Variants in ERC2 observed in about 807,000 individuals in gnomAD.
The protein encoded by ERC2 is ELKS/RAB6-interacting/CAST family member 2.
In ERC2, 42 loss-of-function variants were observed where a neutral mutation model predicts 114.8. The ratio of observed to expected loss-of-function variants is 0.37; its 90% CI spans 0.29 to 0.47. The LOEUF (loss-of-function observed/expected upper bound fraction) is 0.47, where lower values mean the gene tolerates loss of function less well. Among genes scored for constraint, ERC2 ranks in the 20% least tolerant of loss-of-function variants. The pLI is 0.99. For missense variants in ERC2, 939 were observed against 1,150.7 expected (o/e 0.82, Z 2.66); for synonymous variants, 454 against 425.5 (o/e 1.07, Z -0.82).
At chr3:55,675,884 C>CTTTCTTTCTCT (rs2061763347) in intron 17 of ERC2, among the ~76,000 whole-genome samples, 1 of 88,480 alleles carries the variant, frequency 1.1e-5, no homozygotes, top group Admixed American at 1.2e-4. Context: ...CCCTTTCCAT[C>CTTTCTTTCTCT]TTTCTTTCTC....
chr3:55,819,366 T>C (rs2060029924), intron 14 of ERC2, among the ~76,000 whole-genome samples: 1 of 152,194 alleles, frequency 6.6e-6, no homozygotes, highest in Non-Finnish European at 1.5e-5. Flanking sequence ...AATCAGATAA[T>C]GATGGTTTTT....
At chr3:56,314,992 G>T (rs1055658367) in intron 2 of ERC2, among the ~76,000 whole-genome samples, 1 of 152,104 alleles carries the variant, frequency 6.6e-6, no homozygotes, top group Non-Finnish European at 1.5e-5. Flanking sequence ...CAGCTGCCAC[G>T]AGCCAGAGTT....
intron 6 of ERC2, among the ~76,000 whole-genome samples, chr3:56,127,013 C>A (rs1315874787): frequency 6.6e-6 from 1 of 151,926 alleles, no homozygotes; most frequent in Non-Finnish European, 1.5e-5. Context: ...AAATCAGTAT[C>A]ATTTATATAG....
chr3:56,149,757 C>G (rs2081321228), intron 4 of ERC2, among the ~76,000 whole-genome samples: 2 of 152,098 alleles, frequency 1.3e-5, no homozygotes, highest in Admixed American at 6.6e-5. Flanking sequence ...ATTTGGCGAG[C>G]AGTCAGGTCC....
At chr3:56,179,306 G>A (rs1178311432) in intron 3 of ERC2, among the ~76,000 whole-genome samples, 1 of 152,126 alleles carries the variant, frequency 6.6e-6, no homozygotes. Context: ...AAGTGCAGGG[G>A]TGGGTGGGAA....
At chr3:55,631,278 G>T (rs1392619169) in intron 17 of ERC2, among the ~76,000 whole-genome samples, 2 of 152,024 alleles carry the variant, frequency 1.3e-5, no homozygotes, top group Non-Finnish European at 2.9e-5. Context: ...TCTTTGTTTT[G>T]GCCAAGCTCC....
At chr3:55,565,594 GA>G (rs899590643) in intron 17 of ERC2, among the ~76,000 whole-genome samples, 58 of 143,528 alleles carry the variant, frequency 4.0e-4, no homozygotes, top group South Asian at 3.5e-3. Context: ...AAACCACTCA[GA>G]AAAAAAAAAA....
chr3:55,664,086 C>T (rs533559996), intron 17 of ERC2, among the ~76,000 whole-genome samples: 12 of 152,276 alleles, frequency 7.9e-5, no homozygotes, highest in African/African-American at 2.4e-4. Flanking sequence ...TTAACATTGC[C>T]TGGGAGAAGA....
At chr3:56,024,937 T>C (rs2073951340) in intron 7 of ERC2, among the ~76,000 whole-genome samples, 1 of 152,194 alleles carries the variant, frequency 6.6e-6, no homozygotes, top group African/African-American at 2.4e-5. Context: ...AGCATCCTAA[T>C]ATGCAAGAAC....
At chr3:55,778,067 C>T (rs1575573958) in intron 14 of ERC2, among the ~76,000 whole-genome samples, 1 of 151,950 alleles carries the variant, frequency 6.6e-6, no homozygotes. Flanking sequence ...AATCCAAATG[C>T]TCATGAAAAA....
At chr3:56,343,192 T>TCTCACACACACACACA (rs1376220124) in intron 2 of ERC2, among the ~76,000 whole-genome samples, 51 of 126,208 alleles carry the variant, frequency 4.0e-4, no homozygotes, top group African/African-American at 1.2e-3. Context: ...TCTCTCTCTC[T>TCTCACACACACACACA]CACACACACA....
At chr3:56,155,693 T>C (rs1414230754) in intron 4 of ERC2, among the ~76,000 whole-genome samples, 4 of 152,024 alleles carry the variant, frequency 2.6e-5, no homozygotes, top group African/African-American at 9.7e-5. Flanking sequence ...GAGCCTAACG[T>C]GGGGTTTGGA....
chr3:56,338,682 C>T (rs1237803030), intron 2 of ERC2, among the ~76,000 whole-genome samples: 3 of 152,216 alleles, frequency 2.0e-5, no homozygotes, highest in African/African-American at 7.2e-5. Context: ...ACATTAACCA[C>T]TCATTCAACA....
intron 17 of ERC2, among the ~76,000 whole-genome samples, chr3:55,557,464 G>A (rs1224432718): frequency 6.6e-6 from 1 of 152,224 alleles, no homozygotes; most frequent in African/African-American, 2.4e-5. Context: ...GTTGCTGAGG[G>A]AAGGGTTTTC....
At position 55,833,642 on chromosome 3, in the gene ERC2, C is replaced by G. The variant is rs149547317; in HGVS notation, c.2564+54747G>C. ...CATGGAAAGGAACAACTGGTACCAACCACTGCAAAATCATGCCAAATTGTA... is the reference window on the plus strand; with the variant it reads ...CATGGAAAGGAACAACTGGTACCAAGCACTGCAAAATCATGCCAAATTGTA... On this transcript the variant is annotated intron_variant, in intron 14 of 17. Transcript: ENST00000288221. Among the ~76,000 whole-genome samples, 1,134 of 152,282 alleles carry G rather than the reference C, an allele frequency of 7.4e-3. 16 individuals are homozygous for G. Among genetic ancestry groups the G allele is most frequent in the African/African-American group, 0.026 (1,067 of 41,558 alleles).
intron 7 of ERC2, among the ~76,000 whole-genome samples, chr3:56,051,598 A>C (rs938643993): frequency 3.9e-5 from 6 of 152,134 alleles, no homozygotes; most frequent in African/African-American, 1.4e-4. Context: ...ATGAGACCAG[A>C]CTTAAGCAAA....
chr3:55,699,689 A>G (rs2270583), intron 15 of ERC2, among the ~76,000 whole-genome samples, 177 bp from the exon 16 acceptor site: 16,336 of 152,270 alleles, frequency 0.11, 1,178 homozygotes, highest in Non-Finnish European at 0.14. Context: ...TTGGTGAAAA[A>G]AGCTCTGTCA....
intron 14 of ERC2, among the ~76,000 whole-genome samples, chr3:55,846,863 G>A (rs906942012): frequency 1.3e-5 from 2 of 152,172 alleles, no homozygotes; most frequent in Non-Finnish European, 2.9e-5. Flanking sequence ...AAACTCAGCA[G>A]AAAGCTTGCA....
chr3:56,468,451 G>C lies in ERC2; in HGVS notation c.-344C>G, dbSNP rs1465579275. ...GGGAAGGAGGAGGACACTGCTCGGA[G>C]GGCCAGGGCCAGGCGCGGGGCCGGG... On this transcript the variant is annotated 5_prime_UTR_variant, in exon 1 of 18. Transcript: ENST00000288221. The C allele has an allele frequency of 6.6e-6, 1 of 150,990 alleles. No homozygotes were observed. The highest frequency in any genetic ancestry group is 1.5e-5 in the Non-Finnish European group (1 of 67,486). The allele number at this position is 150,990 out of a possible 1,614,324, so 9.4% of individuals were successfully genotyped here.
Sources: gnomAD v4.1 joint callset for allele counts (sites outside exome capture counted in the v4.1 genomes callset) on GRCh38, gnomAD v4.1.1 for gene constraint, MANE v1.5 for transcripts, NCBI Gene and HGNC (gene_info 2026-07-23, HGNC 2026-07-21) for gene names.